CACNA2D1: variants seen among roughly 807,000 people sequenced by gnomAD.
CACNA2D1 encodes calcium voltage-gated channel auxiliary subunit alpha2delta 1, also known as voltage-dependent calcium channel subunit alpha-2/delta-1.
In CACNA2D1, 53 loss-of-function variants were observed where a neutral mutation model predicts 171.5. The observed-to-expected ratio is 0.31, with a 90% confidence interval of 0.25 to 0.39. The LOEUF (loss-of-function observed/expected upper bound fraction) is 0.39. Ranked by LOEUF, CACNA2D1 falls within the 10% of genes least tolerant of loss-of-function variation. The pLI is 1.00. For missense variants in CACNA2D1, 903 were observed against 1,299.8 expected, an observed-to-expected ratio of 0.69 and a Z score of 4.69; for synonymous variants, 442 against 443.1, an observed-to-expected ratio of 1.00 and a Z score of 0.03.
At chr7:82,218,520 A>C (rs945039844) in intron 3 of CACNA2D1, among the ~76,000 whole-genome samples, 1 of 152,192 alleles carries the variant, frequency 6.6e-6, no homozygotes, top group African/African-American at 2.4e-5. Context: ...AAATAATGAC[A>C]CCTTACTATA....
intron 25 of CACNA2D1, 59 bp from the exon 26 acceptor site, chr7:81,971,923 A>T: frequency 9.5e-7 from 1 of 1,049,922 alleles, no homozygotes; most frequent in South Asian, 1.3e-5. Flanking sequence ...ATCATAATGA[A>T]AAATATATTT....
intron 38 of CACNA2D1, among the ~76,000 whole-genome samples, chr7:81,951,866 A>G (rs1792557167): frequency 6.6e-6 from 1 of 151,284 alleles, no homozygotes. Context: ...CAGTGGGACT[A>G]CTGGATCAAA....
chr7:82,103,913 CA>C (rs140993000), intron 6 of CACNA2D1, among the ~76,000 whole-genome samples: 1 of 151,766 alleles, frequency 6.6e-6, no homozygotes. Flanking sequence ...AGATTATAAA[CA>C]AAAAATATAC....
chr7:82,094,574 T>C (rs911853538), intron 6 of CACNA2D1, among the ~76,000 whole-genome samples: 4 of 152,238 alleles, frequency 2.6e-5, no homozygotes, highest in Non-Finnish European at 5.9e-5. Context: ...TTACAAGTCC[T>C]TGCTCGTGTA....
chr7:82,284,042 A>G (rs2368056), intron 3 of CACNA2D1, among the ~76,000 whole-genome samples: 30,318 of 151,888 alleles, frequency 0.2, 3,557 homozygotes, highest in Non-Finnish European at 0.25. Context: ...TATAGAAACT[A>G]CAAAGAACTG....
chr7:82,049,681 A>G (rs944209510), intron 10 of CACNA2D1, among the ~76,000 whole-genome samples: 5 of 152,164 alleles, frequency 3.3e-5, no homozygotes, highest in African/African-American at 1.2e-4. Flanking sequence ...GCAGCTTGAG[A>G]TGCTGCATTT....
At chr7:82,237,948 T>A (rs1327466069) in intron 3 of CACNA2D1, among the ~76,000 whole-genome samples, 2 of 151,996 alleles carry the variant, frequency 1.3e-5, no homozygotes, top group Non-Finnish European at 2.9e-5. Flanking sequence ...TTACTACTCA[T>A]TACTGTTACT....
At chr7:82,187,722 G>A (rs982969441) in intron 3 of CACNA2D1, among the ~76,000 whole-genome samples, 1 of 152,050 alleles carries the variant, frequency 6.6e-6, no homozygotes, top group Admixed American at 6.6e-5. Context: ...TTTGACTTTA[G>A]GAGCTGTGTA....
In CACNA2D1 at chr7:82,005,775, G is replaced by T; in HGVS notation, c.1505C>A (p.Pro502Gln). 1 of 1,590,574 alleles carries T rather than the reference G, an allele frequency of 6.3e-7. No individual in the cohort carries two copies. The highest frequency in any genetic ancestry group is 8.6e-7 in the Non-Finnish European group (1 of 1,158,848). ...VSLEDIKRLT[P>Q]RFTLCPNGYY... The stretch of plus-strand genomic sequence containing the variant: ...CAAATTTCATCTTACTGTAAAACGT[G>T]GTGTCAGTCTTTTAATATCTTCCAA... The change falls in exon 17 of 39, where the codon CCA becomes CAA. Residue 502 changes from proline (P) to glutamine (Q), a missense_variant. This residue lies in a region of CACNA2D1 where 623 missense variants were observed against 925.5 expected (regional missense o/e 0.67). Coordinates refer to ENST00000356860, the MANE Select transcript of CACNA2D1 (RefSeq NM_000722.4).
At chr7:82,154,674 A>G (rs1416982266) in intron 4 of CACNA2D1, among the ~76,000 whole-genome samples, 1 of 151,638 alleles carries the variant, frequency 6.6e-6, no homozygotes, top group Non-Finnish European at 1.5e-5. Context: ...CTGAAATTAA[A>G]GAGGTATAAA....
intron 28 of CACNA2D1, among the ~76,000 whole-genome samples, chr7:81,969,599 T>C (rs1795055832): frequency 6.6e-6 from 1 of 151,368 alleles, no homozygotes; most frequent in South Asian, 2.1e-4. Context: ...TTTTCAGTTG[T>C]AATATGAGGG....
Position 82,136,661 on chromosome 7 carries a change from A to G in CACNA2D1, c.370T>C (p.Tyr124His). Reference sequence around the variant, plus strand: ...TCGAGATCATCCTTTGCATTGTAGTAGACAACTTCATTGCTCTACAAAAAA... The same window carrying G: ...TCGAGATCATCCTTTGCATTGTAGTGGACAACTTCATTGCTCTACAAAAAA... Reference protein sequence around the residue: ...REDFASNEVVYYNAKDDLDPE... With the variant: ...REDFASNEVVHYNAKDDLDPE... Residue 124 changes from tyrosine (Y) to histidine (H), a missense_variant, in exon 5 of 39, where the codon TAC becomes CAC. Coordinates refer to ENST00000356860, the MANE Select transcript of CACNA2D1 (RefSeq NM_000722.4). The G allele has an allele frequency of 6.3e-7, 1 of 1,591,326 alleles. No individual in the cohort carries two copies. The highest frequency in any genetic ancestry group is 8.6e-7 in the Non-Finnish European group (1 of 1,167,020).
intron 5 of CACNA2D1, among the ~76,000 whole-genome samples, chr7:82,126,765 T>G (rs1346373868): frequency 2.0e-5 from 3 of 152,210 alleles, no homozygotes; most frequent in Non-Finnish European, 1.5e-5. Context: ...CTGTTTTTCC[T>G]GCATATAGCT....
At position 82,443,516 on chromosome 7, in the gene CACNA2D1, T is replaced by C; in HGVS notation, c.-57A>G. 1.3e-6 allele frequency: 2 copies of C among 1,583,338 alleles called. No homozygotes were observed. The highest frequency in any genetic ancestry group is 1.4e-5 in the African/African-American group (1 of 73,208). On this transcript the variant is annotated 5_prime_UTR_variant, in exon 1 of 39. Transcript: ENST00000356860. ...GCCCAAGCGGGGGAAGGAGCGGCGC[T>C]GGAAACCGCGGGCGGAGGAAGAGCA... is the stretch of plus-strand genomic sequence containing the variant.
chr7:81,964,590 G>T (rs1584204705), intron 32 of CACNA2D1, among the ~76,000 whole-genome samples: 2 of 151,888 alleles, frequency 1.3e-5, no homozygotes, highest in East Asian at 3.9e-4. Context: ...TTTGTGGAAA[G>T]AATGGACACA....
intron 8 of CACNA2D1, 44 bp from the exon 9 acceptor site, chr7:82,064,398 C>G: frequency 7.1e-7 from 1 of 1,401,302 alleles, no homozygotes; most frequent in Non-Finnish European, 1.0e-6. Context: ...TCCAAAATAT[C>G]AAACACTGAT....
chr7:82,369,108 T>G (rs961461129), intron 1 of CACNA2D1, among the ~76,000 whole-genome samples: 1 of 152,194 alleles, frequency 6.6e-6, no homozygotes, highest in Non-Finnish European at 1.5e-5. Flanking sequence ...GTTTCTTCTC[T>G]GTAAATCCCT....
intron 6 of CACNA2D1, among the ~76,000 whole-genome samples, chr7:82,111,625 TG>T: frequency 6.6e-6 from 1 of 151,160 alleles, no homozygotes; most frequent in Middle Eastern, 3.5e-3. Flanking sequence ...TTTTAAAATT[TG>T]TTTAGAGAGA....
chr7:82,418,749 C>A (rs1828425674), intron 1 of CACNA2D1, among the ~76,000 whole-genome samples: 1 of 152,098 alleles, frequency 6.6e-6, no homozygotes, highest in African/African-American at 2.4e-5. Context: ...ACCTGGTATT[C>A]TTTTCATACT....
Sources: allele counts gnomAD v4.1 joint callset (sites outside exome capture counted in the v4.1 genomes callset), GRCh38; gene constraint gnomAD v4.1.1; regional missense constraint gnomAD v4.1.1; transcripts MANE v1.5; gene names NCBI Gene and HGNC (gene_info 2026-07-23, HGNC 2026-07-21).